The following SPSB4 variants were observed in gnomAD, a reference collection of about 807,000 sequenced individuals.
SPSB4 encodes SPRY domain-containing SOCS box protein 4.
In SPSB4, 21 loss-of-function variants were observed where a neutral mutation model predicts 20.9. The observed-to-expected ratio is 1.01, with a 90% confidence interval of 0.71 to 1.45. The LOEUF (loss-of-function observed/expected upper bound fraction) is 1.45. Among genes scored for constraint, SPSB4 ranks in the 40% most tolerant of loss-of-function variants. The pLI, the probability that SPSB4 is intolerant of heterozygous loss-of-function variation, is 0.00. For synonymous variants in SPSB4, 207 were observed against 183.8 expected, an observed-to-expected ratio of 1.13 and a Z score of -1.02; for missense variants, 399 against 399.2, an observed-to-expected ratio of 1.00 and a Z score of 0.00.
intron 2 of SPSB4, among the ~76,000 whole-genome samples, chr3:141,109,042 G>A (rs1323470081): frequency 6.6e-6 from 1 of 152,168 alleles, no homozygotes; most frequent in African/African-American, 2.4e-5. Context: ...TGGGCCTTTT[G>A]GAGTCCAGTT....
chr3:141,084,290 G>A (rs539079285), intron 2 of SPSB4, among the ~76,000 whole-genome samples: 5 of 152,132 alleles, frequency 3.3e-5, no homozygotes, highest in African/African-American at 1.2e-4. Context: ...CCTCTGAAGG[G>A]GCCTCTAACC....
At chr3:141,054,998 G>A (rs182553697) in intron 1 of SPSB4, among the ~76,000 whole-genome samples, 50 of 152,164 alleles carry the variant, frequency 3.3e-4, no homozygotes, top group Admixed American at 5.2e-4. Context: ...CATGCAGGAG[G>A]TATAGAGTGG....
chr3:141,102,892 G>C (rs1310975746), intron 2 of SPSB4, among the ~76,000 whole-genome samples: 1 of 152,134 alleles, frequency 6.6e-6, no homozygotes, highest in Non-Finnish European at 1.5e-5. Flanking sequence ...AGCCAAGCCT[G>C]CCCATGAGGA....
intron 2 of SPSB4, among the ~76,000 whole-genome samples, chr3:141,113,140 C>T (rs553792473): frequency 1.3e-5 from 2 of 152,204 alleles, no homozygotes; most frequent in Admixed American, 6.5e-5. Context: ...AGCAAACAAG[C>T]AGAACAGAAA....
intron 2 of SPSB4, among the ~76,000 whole-genome samples, chr3:141,085,177 G>A (rs1398314138): frequency 6.6e-6 from 1 of 152,210 alleles, no homozygotes; most frequent in Non-Finnish European, 1.5e-5. Flanking sequence ...CAGCTTGATG[G>A]ATTCAGGGAC....
chr3:141,130,880 C>T (rs1361217712), intron 2 of SPSB4, among the ~76,000 whole-genome samples: 3 of 152,180 alleles, frequency 2.0e-5, no homozygotes, highest in African/African-American at 7.2e-5. Flanking sequence ...ATATTCAGAT[C>T]ACTGGAGAAC....
intron 2 of SPSB4, among the ~76,000 whole-genome samples, chr3:141,075,892 C>CAAA (rs532646509): frequency 5.1e-4 from 35 of 68,786 alleles, no homozygotes; most frequent in South Asian, 8.2e-4. Flanking sequence ...ACTAAAAATA[C>CAAA]AAAAAAAAAA....
chr3:141,070,445 C>T (rs1352964733), intron 2 of SPSB4, among the ~76,000 whole-genome samples: 7 of 152,086 alleles, frequency 4.6e-5, no homozygotes, highest in Admixed American at 3.9e-4. Flanking sequence ...TGATCCTCCC[C>T]TCAGCCTCCT....
intron 2 of SPSB4, among the ~76,000 whole-genome samples, chr3:141,126,587 G>A (rs1939053086): frequency 1.3e-5 from 2 of 152,184 alleles, no homozygotes; most frequent in Admixed American, 6.5e-5. Flanking sequence ...AACCCCAGAG[G>A]ATCTTCTTCC....
chr3:141,083,943 ACT>A (rs1938290873), intron 2 of SPSB4, among the ~76,000 whole-genome samples: 1 of 151,872 alleles, frequency 6.6e-6, no homozygotes, highest in South Asian at 2.1e-4. Flanking sequence ...GAGGGGAAAG[ACT>A]CTGAAGTTGG....
chr3:141,087,120 A>T (rs1278454138), intron 2 of SPSB4, among the ~76,000 whole-genome samples: 1 of 152,216 alleles, frequency 6.6e-6, no homozygotes, highest in South Asian at 2.1e-4. Context: ...CCAGATTTGC[A>T]TGCAGGACCC....
At chr3:141,138,618 G>A (rs1939270581) in intron 2 of SPSB4, among the ~76,000 whole-genome samples, 1 of 152,168 alleles carries the variant, frequency 6.6e-6, no homozygotes, top group South Asian at 2.1e-4. Flanking sequence ...GGAGCAGGTT[G>A]TTCAGTTTCC....
At chr3:141,078,861 C>T (rs1938166675) in intron 2 of SPSB4, among the ~76,000 whole-genome samples, 1 of 152,194 alleles carries the variant, frequency 6.6e-6, no homozygotes, top group East Asian at 1.9e-4. Flanking sequence ...TGCCCTTTTC[C>T]CGACAGCAGG....
intron 1 of SPSB4, among the ~76,000 whole-genome samples, chr3:141,060,205 A>C (rs115119215): frequency 1.7e-3 from 261 of 152,310 alleles, no homozygotes; most frequent in African/African-American, 6.1e-3. Context: ...ATGACCCAGT[A>C]TGGGCCAAGC....
chr3:141,108,614 A>C (rs1265083255), intron 2 of SPSB4, among the ~76,000 whole-genome samples: 1 of 152,246 alleles, frequency 6.6e-6, no homozygotes, highest in Non-Finnish European at 1.5e-5. Context: ...GATCAGACCG[A>C]GGCCATGCCT....
At chr3:141,096,683 A>G (rs1330630168) in intron 2 of SPSB4, among the ~76,000 whole-genome samples, 2 of 152,258 alleles carry the variant, frequency 1.3e-5, no homozygotes, top group African/African-American at 2.4e-5. Context: ...TACAGTATAT[A>G]GCATCCTACA....
At chr3:141,145,387 A>G (rs991317182) in intron 2 of SPSB4, among the ~76,000 whole-genome samples, 1 of 152,096 alleles carries the variant, frequency 6.6e-6, no homozygotes, top group Admixed American at 6.5e-5. Flanking sequence ...TTTAATTTTA[A>G]TGGCTCCCCT....
At chr3:141,059,528 T>C (rs1009324874) in intron 1 of SPSB4, among the ~76,000 whole-genome samples, 4 of 151,938 alleles carry the variant, frequency 2.6e-5, no homozygotes, top group African/African-American at 9.7e-5. Context: ...CACTTTTAAA[T>C]GAGCAGATAT....
At chr3:141,057,816 A>G (rs1937683403) in intron 1 of SPSB4, among the ~76,000 whole-genome samples, 1 of 152,226 alleles carries the variant, frequency 6.6e-6, no homozygotes, top group South Asian at 2.1e-4. Flanking sequence ...GCAGTAGTAT[A>G]TATTTGAAAG....
Sources: gnomAD v4.1 joint callset for allele counts (sites outside exome capture counted in the v4.1 genomes callset) on GRCh38, gnomAD v4.1.1 for gene constraint, MANE v1.5 for transcripts, NCBI Gene and HGNC (gene_info 2026-07-23, HGNC 2026-07-21) for gene names.